NCOA2: variants seen among roughly 807,000 people sequenced by gnomAD.
NCOA2 encodes class E basic helix-loop-helix protein 75.
NCOA2 carries 21 observed loss-of-function variants against 145.1 expected under a neutral mutation model. The ratio of observed to expected loss-of-function variants is 0.14; its 90% CI spans 0.10 to 0.21. NCOA2 has a LOEUF of 0.21. Ranked by LOEUF, NCOA2 falls within the 10% of genes least tolerant of loss-of-function variation. The pLI is 1.00. For synonymous variants in NCOA2, 619 were observed against 637.5 expected (o/e 0.97, Z 0.44); for missense variants, 1,472 against 1,837.6 (o/e 0.80, Z 3.64).
chr8:70,416,489 A>G, the NCOA2 span, among the ~76,000 whole-genome samples: 1 of 152,224 alleles, frequency 6.6e-6, no homozygotes, highest in Non-Finnish European at 1.5e-5. Flanking sequence ...TGTGTAACCA[A>G]AAATACACTA....
At chr8:70,115,656 A>ATT in intron 22 of NCOA2, among the ~76,000 whole-genome samples, 1 of 152,348 alleles carries the variant, frequency 6.6e-6, no homozygotes, top group East Asian at 1.9e-4. Context: ...AATACAAGTA[A>ATT]TTACAAGAGA....
rs189410022 is a variant in NCOA2, at chr8:70,227,137, G to A, written c.-19-10373C>T. ...ATGAGGCAGCCCTTTGTGGGCTCCA[G>A]GCAGGCTCATGCTGCTGCCTCCCAC... is the stretch of plus-strand genomic sequence containing the variant. On this transcript the variant is annotated intron_variant, in intron 2 of 22. Transcript: ENST00000452400. 3.0e-3 allele frequency among the ~76,000 whole-genome samples: 454 copies of A among 152,318 alleles called. 1 individual carries two copies. The highest frequency in any genetic ancestry group is 0.024 in the Middle Eastern group (7 of 294).
chr8:70,357,197 A>G (rs1809779053), intron 1 of NCOA2: 1 of 152,172 alleles, frequency 6.6e-6, no homozygotes, highest in Non-Finnish European at 1.5e-5. Flanking sequence ...TCAACACACA[A>G]AAACCAGTTG....
intron 2 of NCOA2, among the ~76,000 whole-genome samples, chr8:70,249,980 G>A (rs79800114): frequency 0.093 from 3,715 of 39,868 alleles, 158 homozygotes; most frequent in African/African-American, 0.17. Context: ...AAAAAAAAAA[G>A]AAGAAGAAGA....
chr8:70,342,131 T>C (rs1431401784), intron 1 of NCOA2, among the ~76,000 whole-genome samples: 2 of 152,214 alleles, frequency 1.3e-5, no homozygotes, highest in African/African-American at 4.8e-5. Context: ...GCGTAAGGAA[T>C]TATTCAGCCA....
chr8:70,267,482 C>CAA (rs1824713017), intron 2 of NCOA2, among the ~76,000 whole-genome samples: 1 of 149,556 alleles, frequency 6.7e-6, no homozygotes, highest in Non-Finnish European at 1.5e-5. Context: ...CCGCAGGCCT[C>CAA]AATCTCCCAG....
At chr8:70,355,181 A>C (rs1809574391) in intron 1 of NCOA2, among the ~76,000 whole-genome samples, 1 of 152,254 alleles carries the variant, frequency 6.6e-6, no homozygotes, top group Non-Finnish European at 1.5e-5. Flanking sequence ...TGGCCAGATC[A>C]GCCATGCTCA....
chr8:70,345,908 A>G (rs1253921731), intron 1 of NCOA2, among the ~76,000 whole-genome samples: 1 of 152,154 alleles, frequency 6.6e-6, no homozygotes, highest in East Asian at 1.9e-4. Context: ...ACCAAACAGG[A>G]ACTCCCACTC....
At chr8:70,249,517 TATACTAC>T (rs1481696724) in intron 2 of NCOA2, among the ~76,000 whole-genome samples, 1 of 152,190 alleles carries the variant, frequency 6.6e-6, no homozygotes, top group African/African-American at 2.4e-5. Context: ...AGAGGATGTT[TATACTAC>T]TGTATTGTTA....
intron 1 of NCOA2, among the ~76,000 whole-genome samples, chr8:70,308,518 G>T (rs886599487): frequency 6.6e-6 from 1 of 151,682 alleles, no homozygotes; most frequent in Non-Finnish European, 1.5e-5. Context: ...TATAAAACAT[G>T]TATATACAAA....
At chr8:70,275,517 CTTAAA>C (rs1468048590) in intron 2 of NCOA2, among the ~76,000 whole-genome samples, 1 of 151,938 alleles carries the variant, frequency 6.6e-6, no homozygotes, top group East Asian at 1.9e-4. Flanking sequence ...TCAACTCCTA[CTTAAA>C]TTATTTTATA....
At chr8:70,304,269 C>T (rs1827713865) in intron 1 of NCOA2, among the ~76,000 whole-genome samples, 1 of 152,110 alleles carries the variant, frequency 6.6e-6, no homozygotes, top group African/African-American at 2.4e-5. Flanking sequence ...TGTTTATATA[C>T]ACAAATATTT....
intron 4 of NCOA2, among the ~76,000 whole-genome samples, chr8:70,187,648 T>C (rs1000822354): frequency 2.6e-5 from 4 of 152,164 alleles, no homozygotes; most frequent in African/African-American, 4.8e-5. Flanking sequence ...CCATAGAACA[T>C]ATCACAATTC....
intron 2 of NCOA2, among the ~76,000 whole-genome samples, chr8:70,262,967 T>C (rs1418584725): frequency 6.6e-6 from 1 of 151,822 alleles, no homozygotes; most frequent in East Asian, 1.9e-4. Context: ...TGTTTACAAT[T>C]TCAGATAGAA....
intron 2 of NCOA2, among the ~76,000 whole-genome samples, chr8:70,235,557 T>C (rs1409891504): frequency 6.6e-6 from 1 of 152,140 alleles, no homozygotes; most frequent in Non-Finnish European, 1.5e-5. Context: ...TCAATACTTC[T>C]CTTAGGCCAG....
chr8:70,383,010 A>G (rs1812347190), intron 1 of NCOA2, among the ~76,000 whole-genome samples: 1 of 152,246 alleles, frequency 6.6e-6, no homozygotes, highest in Admixed American at 6.5e-5. Flanking sequence ...GATTAAAAAC[A>G]AATACGAAAA....
In NCOA2 at chr8:70,166,725, G is replaced by C; in HGVS notation, c.571C>G (p.Pro191Ala). The C allele has an allele frequency of 6.2e-7, 1 of 1,613,936 alleles. No individual in the cohort carries two copies. The highest frequency in any genetic ancestry group is 8.5e-7 in the Non-Finnish European group (1 of 1,179,848). Residue 191 changes from proline to alanine, a missense_variant, in exon 7 of 23, where the codon CCG becomes GCG. This residue lies in a region of NCOA2 where 284 missense variants were observed against 467.8 expected (regional missense o/e 0.61). Transcript: ENST00000452400. ...VNGGSWSGEP[P>A]RRNSHTFNCR... Reference sequence around the variant, plus strand: ...TTGAAGGTATGGCTGTTCCGCCTCGGAGGTTCGCCAGACCAAGATCCCCCA... The same window carrying C: ...TTGAAGGTATGGCTGTTCCGCCTCGCAGGTTCGCCAGACCAAGATCCCCCA...
chr8:70,149,369 G>A (rs112327034), intron 11 of NCOA2, among the ~76,000 whole-genome samples: 4,646 of 150,216 alleles, frequency 0.031, 233 homozygotes, highest in African/African-American at 0.11. Flanking sequence ...TCAGTAGCTG[G>A]GACCACAGGC....
the NCOA2 span, among the ~76,000 whole-genome samples, chr8:70,411,718 G>A: frequency 2.0e-5 from 3 of 152,090 alleles, no homozygotes; most frequent in African/African-American, 7.2e-5. Flanking sequence ...TTGAATAAAA[G>A]AAACTAGATA....
Sources: gnomAD v4.1 joint callset for allele counts (sites outside exome capture counted in the v4.1 genomes callset) on GRCh38, gnomAD v4.1.1 for gene constraint, gnomAD v4.1.1 regional missense constraint, MANE v1.5 for transcripts, NCBI Gene and HGNC (gene_info 2026-07-23, HGNC 2026-07-21) for gene names.